CPQ: variants seen among roughly 807,000 people sequenced by gnomAD.
The protein encoded by CPQ is carboxypeptidase Q.
A neutral mutation model predicts 45.7 loss-of-function variants in CPQ; 37 were observed. That is an observed-to-expected ratio of 0.81 (90% CI 0.62 to 1.07). The LOEUF is 1.07. CPQ is among the 50% of genes least tolerant of loss of function. The pLI, the probability that CPQ is intolerant of heterozygous loss-of-function variation, is 0.00. For missense variants in CPQ, 537 were observed against 572.9 expected, an observed-to-expected ratio of 0.94 and a Z score of 0.64; for synonymous variants, 186 against 205.8, an observed-to-expected ratio of 0.90 and a Z score of 0.82.
chr8:96,969,179 G>C (rs1320375485), intron 5 of CPQ, among the ~76,000 whole-genome samples: 1 of 152,214 alleles, frequency 6.6e-6, no homozygotes, highest in East Asian at 1.9e-4. Context: ...CTGGTTGTTG[G>C]AATGTGGAAT....
At chr8:97,021,831 C>T (rs1809692226) in intron 5 of CPQ, among the ~76,000 whole-genome samples, 1 of 152,056 alleles carries the variant, frequency 6.6e-6, no homozygotes, top group South Asian at 2.1e-4. Flanking sequence ...CAAAATACCA[C>T]CATCATTCTT....
At chr8:97,068,239 A>T (rs1372279989) in intron 7 of CPQ, among the ~76,000 whole-genome samples, 2 of 152,198 alleles carry the variant, frequency 1.3e-5, no homozygotes, top group African/African-American at 4.8e-5. Context: ...CTAAAATAAG[A>T]AAGCATTTTC....
chr8:96,654,001 A>G (rs1815609480), intron 1 of CPQ, among the ~76,000 whole-genome samples: 2 of 152,230 alleles, frequency 1.3e-5, no homozygotes, highest in African/African-American at 4.8e-5. Context: ...TGCTATTTGC[A>G]TTAGCTTCAG....
intron 5 of CPQ, among the ~76,000 whole-genome samples, chr8:96,968,806 G>A (rs1813615269): frequency 6.6e-6 from 1 of 152,110 alleles, no homozygotes; most frequent in Admixed American, 6.5e-5. Flanking sequence ...TTTTGCTCAA[G>A]CCTTCAGCTT....
At chr8:96,742,571 C>T (rs1335722969) in intron 1 of CPQ, among the ~76,000 whole-genome samples, 18 of 151,978 alleles carry the variant, frequency 1.2e-4, no homozygotes, top group South Asian at 4.2e-4. Context: ...TTCCTAGTCT[C>T]GATGGTCTTT....
chr8:96,779,634 A>G (rs759168803), intron 1 of CPQ, among the ~76,000 whole-genome samples: 2 of 152,132 alleles, frequency 1.3e-5, no homozygotes, highest in African/African-American at 2.4e-5. Context: ...TATGATTCTA[A>G]TCCATCACTA....
intron 7 of CPQ, among the ~76,000 whole-genome samples, chr8:97,125,652 A>G (rs530365176): frequency 4.0e-4 from 61 of 152,328 alleles, no homozygotes; most frequent in African/African-American, 1.3e-3. Context: ...GGAGGTGCAT[A>G]AAAAGCATTG....
intron 6 of CPQ, among the ~76,000 whole-genome samples, chr8:97,050,453 A>G (rs751451211): frequency 1.3e-5 from 2 of 152,230 alleles, no homozygotes; most frequent in Non-Finnish European, 2.9e-5. Flanking sequence ...CATCAATAAC[A>G]AGATACATTC....
intron 4 of CPQ, among the ~76,000 whole-genome samples, chr8:96,896,304 C>A (rs1812441882): frequency 6.6e-6 from 1 of 152,106 alleles, no homozygotes; most frequent in African/African-American, 2.4e-5. Flanking sequence ...TGGCTTCACA[C>A]TTCCTGTAAG....
chr8:96,692,271 G>T (rs1185150424), intron 1 of CPQ, among the ~76,000 whole-genome samples: 1 of 152,192 alleles, frequency 6.6e-6, no homozygotes, highest in African/African-American at 2.4e-5. Flanking sequence ...GCTTGTAGGT[G>T]TGTAATAGAA....
intron 3 of CPQ, among the ~76,000 whole-genome samples, chr8:96,846,679 G>A (rs986845290): frequency 1.3e-5 from 2 of 151,976 alleles, no homozygotes; most frequent in African/African-American, 4.8e-5. Flanking sequence ...TAAGAGCAAG[G>A]ACCACCTCTA....
At chr8:96,863,333 G>T (rs981732128) in intron 3 of CPQ, among the ~76,000 whole-genome samples, 3 of 151,938 alleles carry the variant, frequency 2.0e-5, no homozygotes, top group African/African-American at 7.2e-5. Flanking sequence ...TTAGACTTGG[G>T]GTGGGAAGCA....
intron 4 of CPQ, among the ~76,000 whole-genome samples, chr8:96,920,063 A>G (rs1365739642): frequency 6.6e-6 from 1 of 152,222 alleles, no homozygotes; most frequent in African/African-American, 2.4e-5. Context: ...AAAACAGCAT[A>G]ATGCCTGGTA....
intron 6 of CPQ, among the ~76,000 whole-genome samples, chr8:97,043,910 C>T (rs1810182243): frequency 6.6e-6 from 1 of 152,144 alleles, no homozygotes; most frequent in African/African-American, 2.4e-5. Context: ...TCTGGCTGCC[C>T]TTAACATTTT....
chr8:97,027,705 A>G (rs1289768513), intron 5 of CPQ, among the ~76,000 whole-genome samples: 1 of 152,226 alleles, frequency 6.6e-6, no homozygotes, highest in African/African-American at 2.4e-5. Flanking sequence ...TTTCATTCTA[A>G]TCAAGACACT....
intron 1 of CPQ, among the ~76,000 whole-genome samples, chr8:96,739,942 C>A (rs1378378422): frequency 6.6e-6 from 1 of 152,104 alleles, no homozygotes; most frequent in Non-Finnish European, 1.5e-5. Flanking sequence ...CTTGATGATG[C>A]GGGCTCTTTT....
intron 2 of CPQ, among the ~76,000 whole-genome samples, chr8:96,795,877 G>A (rs919884861): frequency 3.3e-5 from 5 of 152,052 alleles, no homozygotes; most frequent in Non-Finnish European, 7.4e-5. Flanking sequence ...AATTAGTTTT[G>A]AAACTGCTTG....
chr8:96,901,789 G>A (rs1812514767), intron 4 of CPQ, among the ~76,000 whole-genome samples: 1 of 152,118 alleles, frequency 6.6e-6, no homozygotes, highest in Admixed American at 6.6e-5. Context: ...CTTTCCTAAT[G>A]AGCTCATCTT....
intron 5 of CPQ, among the ~76,000 whole-genome samples, chr8:97,002,406 T>C (rs1809300230): frequency 6.6e-6 from 1 of 152,202 alleles, no homozygotes; most frequent in Admixed American, 6.6e-5. Context: ...TTTAGTGCTA[T>C]AGATCTCCCT....
Sources: gnomAD v4.1 joint callset for allele counts (sites outside exome capture counted in the v4.1 genomes callset) on GRCh38, gnomAD v4.1.1 for gene constraint, MANE v1.5 for transcripts, NCBI Gene and HGNC (gene_info 2026-07-23, HGNC 2026-07-21) for gene names.